Variants in PHIP observed in about 807,000 individuals in gnomAD.
The protein encoded by PHIP is PH-interacting protein.
PHIP carries 54 observed loss-of-function variants against 236.8 expected under a neutral mutation model. The observed-to-expected ratio is 0.23, with a 90% CI of 0.18 to 0.29. The LOEUF (loss-of-function observed/expected upper bound fraction) is 0.29. Among genes scored for constraint, PHIP ranks in the 10% least tolerant of loss-of-function variants. PHIP has a pLI of 1.00. For missense variants in PHIP, 1,370 were observed against 2,190.8 expected (o/e 0.63, Z 7.48); for synonymous variants, 756 against 718.9 (o/e 1.05, Z -0.83).
chr6:78,949,054 A>T (rs1222570379), intron 35 of PHIP, among the ~76,000 whole-genome samples: 2 of 152,130 alleles, frequency 1.3e-5, no homozygotes, highest in African/African-American at 2.4e-5. Flanking sequence ...AACATTTTTC[A>T]GTCATTCCTA....
chr6:78,997,092 T>C (rs1769672303), intron 19 of PHIP, among the ~76,000 whole-genome samples: 1 of 151,920 alleles, frequency 6.6e-6, no homozygotes, highest in Admixed American at 6.6e-5. Context: ...CAACAAACTT[T>C]ATAAAATGTA....
At position 79,036,848 on chromosome 6, in the gene PHIP, G is replaced by A. The variant is rs546905087; in HGVS notation, c.600+5995C>T. ...AGGCAGAAGAATGGCATGAACCTGG[G>A]AGGTGGAGCTTGCAAGTGAGTTGAG... On this transcript the variant is annotated intron_variant, in intron 7 of 39. Transcript: ENST00000275034. Among the ~76,000 whole-genome samples the A allele has an allele frequency of 8.9e-5, 13 of 146,668 alleles. No homozygotes were observed. The South Asian group carries it at 2.9e-3, about 33-fold the overall frequency.
chr6:78,978,749 A>T (rs1229634971), intron 23 of PHIP, 38 bp from the exon 24 acceptor site: 1 of 1,518,924 alleles, frequency 6.6e-7, no homozygotes, highest in East Asian at 2.3e-5. Context: ...AGTAATAATC[A>T]AAAAAGCATT....
chr6:78,991,359 A>G (rs1388958152), intron 19 of PHIP, among the ~76,000 whole-genome samples: 1 of 147,210 alleles, frequency 6.8e-6, no homozygotes, highest in Non-Finnish European at 1.5e-5. Context: ...CTTCTGTTCC[A>G]TATAGATAGC....
intron 4 of PHIP, among the ~76,000 whole-genome samples, chr6:79,076,926 G>GA (rs1196265619): frequency 1.3e-5 from 2 of 152,222 alleles, no homozygotes; most frequent in East Asian, 3.8e-4. Flanking sequence ...CGACAGAGGG[G>GA]GAAAAAATAA....
rs144099624 is a variant in PHIP at position 79,024,326 on chromosome 6, C to A, written c.923+1193G>T. ...ACTTGGGTTGCTAATTTATACATAG[C>A]AGTCAGAGATAATTACTGATATATA... On this transcript the variant is annotated intron_variant, in intron 9 of 39. Transcript: ENST00000275034. Among the ~76,000 whole-genome samples the A allele has an allele frequency of 6.4e-4, 97 of 152,256 alleles. 1 individual carries two copies. In the South Asian group the frequency reaches 8.1e-3, roughly 13 times the overall value.
intron 23 of PHIP, among the ~76,000 whole-genome samples, chr6:78,980,016 G>C (rs1468358743): frequency 6.6e-6 from 1 of 151,896 alleles, no homozygotes; most frequent in East Asian, 1.9e-4. Flanking sequence ...AAGGTCTTTG[G>C]AATTTACTGT....
At position 79,078,013 on chromosome 6, in the gene PHIP, C is replaced by T; in HGVS notation, c.40+16G>A. 2 of 1,608,348 alleles carry T rather than the reference C, an allele frequency of 1.2e-6. No homozygotes were observed. The highest frequency in any genetic ancestry group is 1.7e-6 in the Non-Finnish European group (2 of 1,179,006). ...AATCGCCCGGTGCCAGCGGCCCCGG[C>T]AGCCCCCCGACTTACCCGATCGCAG... On this transcript the variant is annotated intron_variant, in intron 1 of 39. Transcript: ENST00000275034.
At chr6:79,030,413 G>A (rs1261846509) in intron 7 of PHIP, among the ~76,000 whole-genome samples, 1 of 152,152 alleles carries the variant, frequency 6.6e-6, no homozygotes, top group Admixed American at 6.5e-5. Context: ...AATGTTGCTG[G>A]GGATTGCTGC....
In PHIP at chr6:79,047,999, A is replaced by T. The variant is rs1010791139; in HGVS notation, c.440-4996T>A. ...ATTGTATATATGGTTATATATACAT[A>T]TGTATTTTTTTTTTTTCTGTGCTGG... is the stretch of plus-strand genomic sequence containing the variant. On this transcript the variant is annotated intron_variant, in intron 6 of 39. Coordinates refer to ENST00000275034, the MANE Select transcript of PHIP (RefSeq NM_017934.7). 6.0e-5 allele frequency among the ~76,000 whole-genome samples: 9 copies of T among 150,362 alleles called. No homozygotes were observed. In the South Asian group the frequency reaches 1.2e-3, roughly 21 times the overall value.
rs781082920 is a variant in PHIP, at chr6:78,955,225, A to C, written c.3903+7T>G. ...AAGTACTTCTGCTAAAACTAAAACT[A>C]TATTACCTTCCTTTTTCGAGTAGAA... On this transcript the variant is annotated splice_region_variant and intron_variant, in intron 34 of 39. Coordinates refer to ENST00000275034, the MANE Select transcript of PHIP (RefSeq NM_017934.7). 2 of 1,593,298 alleles carry C rather than the reference A, an allele frequency of 1.3e-6. No individual in the cohort carries two copies. The highest frequency in any genetic ancestry group is 4.5e-5 in the East Asian group (2 of 44,514).
In PHIP at chr6:79,017,965, C is replaced by T. The variant is rs950996388; in HGVS notation, c.995-382G>A. Reference sequence around the variant, plus strand: ...CAAAATCTTATCAAACTTTTAAGGCCCAACTCCCTCAGTAACTTTTCTTTA... The same window carrying T: ...CAAAATCTTATCAAACTTTTAAGGCTCAACTCCCTCAGTAACTTTTCTTTA... On this transcript the variant is annotated intron_variant, in intron 10 of 39. Coordinates refer to ENST00000275034, the MANE Select transcript of PHIP (RefSeq NM_017934.7). Among the ~76,000 whole-genome samples the T allele has an allele frequency of 2.0e-5, 3 of 151,766 alleles. No individual in the cohort carries two copies. The South Asian group carries it at 6.2e-4, about 31-fold the overall frequency.
rs1039237041 is a variant in PHIP at position 78,935,204 on chromosome 6, A to T, written c.*5489T>A. Among the ~76,000 whole-genome samples the T allele has an allele frequency of 1.3e-5, 2 of 152,000 alleles. No individual in the cohort carries two copies. The highest frequency in any genetic ancestry group is 2.9e-5 in the Non-Finnish European group (2 of 67,958). ...CTTCATAAAGAAAAGGTTATCAGGA[A>T]TTTTTTTTACCTTCCTTCCTCAACT... On this transcript the variant is annotated 3_prime_UTR_variant, in exon 40 of 40. Coordinates refer to ENST00000275034, the MANE Select transcript of PHIP (RefSeq NM_017934.7).
At chr6:78,980,027 A>C (rs562958369) in intron 23 of PHIP, among the ~76,000 whole-genome samples, 1 of 152,152 alleles carries the variant, frequency 6.6e-6, no homozygotes, top group East Asian at 1.9e-4. Flanking sequence ...AATTTACTGT[A>C]CGTGAGATGG....
intron 6 of PHIP, among the ~76,000 whole-genome samples, chr6:79,047,051 G>T (rs1020486161): frequency 1.3e-5 from 2 of 152,042 alleles, no homozygotes; most frequent in African/African-American, 4.8e-5. Context: ...GAATATAGAG[G>T]ATAAATGAAA....
At chr6:79,077,678 G>A in intron 3 of PHIP, 22 bp downstream of exon 3, 1 of 976,164 alleles carries the variant, frequency 1.0e-6, no homozygotes, top group Non-Finnish European at 1.2e-6. Flanking sequence ...GGCGGGACGC[G>A]CCGGGCCGCC....
At chr6:79,031,251 T>C (rs937687272) in intron 7 of PHIP, among the ~76,000 whole-genome samples, 4 of 152,220 alleles carry the variant, frequency 2.6e-5, no homozygotes, top group Non-Finnish European at 4.4e-5. Context: ...GCCTCATTTT[T>C]CAATAATGTA....
At chr6:78,943,488 G>A (rs1412430315) in intron 39 of PHIP, among the ~76,000 whole-genome samples, 1 of 151,980 alleles carries the variant, frequency 6.6e-6, no homozygotes, top group Non-Finnish European at 1.5e-5. Context: ...TCAGAAAGGG[G>A]GCAGATTATT....
In PHIP at chr6:78,963,201, C is replaced by T. The variant is rs763106406; in HGVS notation, c.3431G>A (p.Cys1144Tyr). The change falls in exon 30 of 40, where the codon TGC becomes TAC. Residue 1144 changes from cysteine (C) to tyrosine (Y), a missense_variant. By Grantham distance (194) the Cys-to-Tyr change is radical (BLOSUM62 -2). Transcript: ENST00000275034. ...AAGAGGTTTATAGATTAGTGATCTG[C>T]ACTCACCATCAGTTAAAGGAACACT... is the stretch of plus-strand genomic sequence containing the variant. The part of the protein sequence containing the change: ...GTSVPLTDGE[C>Y]RSLIYKPLDG... The T allele has an allele frequency of 8.7e-6, 14 of 1,609,528 alleles. No individual in the cohort carries two copies. Among genetic ancestry groups the T allele is most frequent in the Non-Finnish European group, 9.3e-6 (11 of 1,177,844 alleles).
Sources: gnomAD v4.1 joint callset for allele counts (sites outside exome capture counted in the v4.1 genomes callset) on GRCh38, gnomAD v4.1.1 for gene constraint, MANE v1.5 for transcripts, NCBI Gene and HGNC (gene_info 2026-07-23, HGNC 2026-07-21) for gene names.